The following PHTF1 variants were observed in gnomAD, a reference collection of about 807,000 sequenced individuals.
The protein encoded by PHTF1 is putative homeodomain transcription factor 1, also known as protein PHTF1.
In PHTF1, 88 loss-of-function variants were observed where a neutral mutation model predicts 102.4. The ratio of observed to expected loss-of-function variants is 0.86; its 90% CI spans 0.72 to 1.03. The LOEUF (loss-of-function observed/expected upper bound fraction) is 1.03, where lower values mean the gene tolerates loss of function less well. Ranked by LOEUF, PHTF1 falls within the 50% of genes least tolerant of loss-of-function variation. PHTF1 has a pLI of 0.00. For missense variants in PHTF1, 814 were observed against 909.5 expected, an observed-to-expected ratio of 0.89 and a Z score of 1.35; for synonymous variants, 289 against 305.2, an observed-to-expected ratio of 0.95 and a Z score of 0.55.
At chr1:113,743,627 GGTTT>G (rs1656755398) in intron 3 of PHTF1, among the ~76,000 whole-genome samples, 1 of 152,114 alleles carries the variant, frequency 6.6e-6, no homozygotes, top group Non-Finnish European at 1.5e-5. Context: ...CAGTGCATTT[GGTTT>G]GTTTACTCCA....
At chr1:113,747,882 C>A (rs1157648186) in intron 3 of PHTF1, among the ~76,000 whole-genome samples, 1 of 152,142 alleles carries the variant, frequency 6.6e-6, no homozygotes, top group East Asian at 1.9e-4. Context: ...CCGTTTTGAT[C>A]CTTCACTCTA....
At chr1:113,699,919 C>G (rs1649259469) in intron 16 of PHTF1, 120 bp from the exon 17 acceptor site, 1 of 685,512 alleles carries the variant, frequency 1.5e-6, no homozygotes, top group Admixed American at 3.2e-5. Flanking sequence ...ATTCCAATAG[C>G]TATCGCTACA....
chr1:113,702,670 A>G (rs1162654382), intron 15 of PHTF1, among the ~76,000 whole-genome samples: 1 of 152,154 alleles, frequency 6.6e-6, no homozygotes, highest in African/African-American at 2.4e-5. Context: ...AGAAGAACGA[A>G]TGAACAAACA....
chr1:113,711,816 C>T lies in PHTF1; in HGVS notation c.977G>A (p.Arg326Lys). ...TGAATCCCGCACAATATGACACCAC[C>T]TTGTAGTGGTTTTCTTTACCTGCCA... ...LNSQVKKTTTRWCHIVRDSDS... is the reference protein window; with the variant it reads ...LNSQVKKTTTKWCHIVRDSDS... The change falls in exon 10 of 19, where the codon AGG becomes AAG. Residue 326 changes from arginine (R) to lysine (K), a missense_variant. Physicochemically the swap from Arg to Lys is conservative, Grantham distance 26. Transcript: ENST00000369604. The T allele has an allele frequency of 1.2e-6, 2 of 1,613,520 alleles. No homozygotes were observed. The highest frequency in any genetic ancestry group is 8.5e-7 in the Non-Finnish European group (1 of 1,179,490).
chr1:113,726,569 C>A lies in PHTF1; in HGVS notation c.337G>T (p.Ala113Ser). The A allele has an allele frequency of 6.4e-7, 1 of 1,565,484 alleles. No individual in the cohort carries two copies. Among genetic ancestry groups the A allele is most frequent in the Non-Finnish European group, 8.6e-7 (1 of 1,157,694 alleles). Residue 113 changes from alanine to serine, a missense_variant, in exon 6 of 19, where the codon GCA becomes TCA. Coordinates refer to ENST00000369604, the MANE Select transcript of PHTF1 (RefSeq NM_001323043.2). ...GGCATCATCAAATATAAGACAATTG[C>A]TATAACTGAAAAGAAGAGGTTTTAA... ...LLLLYFMQVIAIVLYLMMPIV... is the reference protein window; with the variant it reads ...LLLLYFMQVISIVLYLMMPIV...
chr1:113,759,492 C>T (rs1425500075), upstream of PHTF1: 1 of 152,256 alleles, frequency 6.6e-6, no homozygotes, highest in Non-Finnish European at 1.5e-5. Flanking sequence ...CGTCTGAGAT[C>T]TGGGCTAGAG....
chr1:113,742,874 C>T (rs572905183), intron 3 of PHTF1, among the ~76,000 whole-genome samples: 6 of 152,318 alleles, frequency 3.9e-5, no homozygotes, highest in Admixed American at 1.3e-4. Flanking sequence ...TGCTCTGTTG[C>T]CCATGATATA....
intron 5 of PHTF1, among the ~76,000 whole-genome samples, chr1:113,736,482 C>T (rs1451674632): frequency 6.6e-6 from 1 of 152,014 alleles, no homozygotes; most frequent in Non-Finnish European, 1.5e-5. Flanking sequence ...CAGTGGCTCA[C>T]ACCTGTAATC....
chr1:113,724,210 G>A (rs1233759415), intron 7 of PHTF1, among the ~76,000 whole-genome samples: 2 of 152,084 alleles, frequency 1.3e-5, no homozygotes, highest in Non-Finnish European at 2.9e-5. Flanking sequence ...ACAGCTTGGA[G>A]GTTCTTCAAA....
intron 18 of PHTF1, 141 bp from the exon 19 acceptor site, chr1:113,697,866 T>C: frequency 1.6e-6 from 1 of 637,132 alleles, no homozygotes; most frequent in Non-Finnish European, 2.8e-6. Context: ...CCATAGAACA[T>C]CATAGAGAAA....
chr1:113,741,322 T>C (rs1386978969), intron 3 of PHTF1, among the ~76,000 whole-genome samples: 1 of 152,144 alleles, frequency 6.6e-6, no homozygotes, highest in Non-Finnish European at 1.5e-5. Flanking sequence ...GAATCAAAAT[T>C]TGAAAATGAG....
Position 113,699,699 on chromosome 1 carries a change from C to G in PHTF1, c.2142+5G>C. The G allele has an allele frequency of 8.5e-7, 1 of 1,183,068 alleles. No homozygotes were observed. The highest frequency in any genetic ancestry group is 1.2e-6 in the Non-Finnish European group (1 of 802,570). The allele number at this position is 1,183,068 out of a possible 1,614,324, so 73.3% of individuals were successfully genotyped here. ...AGTAAAAGTGTATCATAGCCTATGA[C>G]TTACTTTCAACAACTTGGTGGACAG... On this transcript the variant is annotated splice_donor_5th_base_variant and intron_variant, in intron 17 of 18. Transcript: ENST00000369604.
intron 11 of PHTF1, among the ~76,000 whole-genome samples, chr1:113,708,354 G>A (rs1049429855): frequency 2.6e-5 from 4 of 152,208 alleles, no homozygotes; most frequent in East Asian, 3.8e-4. Flanking sequence ...AGCTGGGCGC[G>A]GTGGCTCACG....
At chr1:113,754,042 T>G (rs1230681) in intron 3 of PHTF1, among the ~76,000 whole-genome samples, 1 of 152,032 alleles carries the variant, frequency 6.6e-6, no homozygotes, top group South Asian at 2.1e-4. Flanking sequence ...TATTTGCCAC[T>G]AAGTAATTTG....
chr1:113,747,745 C>A (rs1657452208), intron 3 of PHTF1, among the ~76,000 whole-genome samples: 1 of 152,154 alleles, frequency 6.6e-6, no homozygotes, highest in Non-Finnish European at 1.5e-5. Context: ...GGTTGAAAAT[C>A]ACTTTCTCTC....
intron 7 of PHTF1, among the ~76,000 whole-genome samples, chr1:113,719,159 C>T (rs527285088): frequency 6.6e-6 from 1 of 152,182 alleles, no homozygotes; most frequent in Non-Finnish European, 1.5e-5. Flanking sequence ...CACCATCATG[C>T]CTGGTTAATT....
At chr1:113,707,433 T>G (rs1417363269) in intron 11 of PHTF1, among the ~76,000 whole-genome samples, 1 of 152,222 alleles carries the variant, frequency 6.6e-6, no homozygotes, top group Admixed American at 6.5e-5. Context: ...GCCTCAGTCT[T>G]ACTAACTTTG....
rs780119111 is a variant in PHTF1 at position 113,757,678 on chromosome 1, G to A, written c.102+21C>T. ...ATATTAATGCAGTGAAACATAGGCG[G>A]AATCAAAGAAATCAATTTACCTTAA... On this transcript the variant is annotated intron_variant, in intron 3 of 18. Transcript: ENST00000369604. The A allele has an allele frequency of 3.3e-6, 5 of 1,537,112 alleles. No homozygotes were observed. The Admixed American group carries it at 8.3e-5, about 26-fold the overall frequency.
At position 113,758,644 on chromosome 1, in the gene PHTF1, A is replaced by G. The variant is rs368316759; in HGVS notation, c.45+15T>C. The G allele has an allele frequency of 9.5e-5, 138 of 1,457,940 alleles. No homozygotes were observed. The African/African-American group carries it at 1.8e-3, about 19-fold the overall frequency. The allele number at this position is 1,457,940 out of a possible 1,614,324, so 90.3% of individuals were successfully genotyped here. On this transcript the variant is annotated intron_variant, in intron 2 of 18. Coordinates refer to ENST00000369604, the MANE Select transcript of PHTF1 (RefSeq NM_001323043.2). ...AGAATGCTTTACAAATAAAAAAAAT[A>G]TATATATGTATTACCTTCTTTTGGT...
Sources: gnomAD v4.1 joint callset for allele counts (sites outside exome capture counted in the v4.1 genomes callset) on GRCh38, gnomAD v4.1.1 for gene constraint, MANE v1.5 for transcripts, NCBI Gene and HGNC (gene_info 2026-07-23, HGNC 2026-07-21) for gene names.